GKAP1: variants seen among roughly 807,000 people sequenced by gnomAD.
GKAP1 encodes G kinase-anchoring protein 1.
In GKAP1, 31 loss-of-function variants were observed where a neutral mutation model predicts 56.7. The ratio of observed to expected loss-of-function variants is 0.55; its 90% confidence interval spans 0.41 to 0.74. The LOEUF is 0.74. Among genes scored for constraint, GKAP1 ranks in the 30% least tolerant of loss-of-function variants. GKAP1 has a pLI of 0.00. For missense variants in GKAP1, 364 were observed against 402.3 expected (o/e 0.90, Z 0.82); for synonymous variants, 151 against 138.6 (o/e 1.09, Z -0.63).
rs1944036947 is a variant in GKAP1, at chr9:83,784,799, C to G, written c.478G>C (p.Val160Leu). 8 of 1,597,790 alleles carry G rather than the reference C, an allele frequency of 5.0e-6. No individual in the cohort carries two copies. The highest frequency in any genetic ancestry group is 6.8e-6 in the Non-Finnish European group (8 of 1,169,150). Reference sequence around the variant, plus strand: ...TTTCTTTTATCTTTTTTATTCATAACTTTGGACTGAGTTGAAGTATTTTCA... The same window carrying G: ...TTTCTTTTATCTTTTTTATTCATAAGTTTGGACTGAGTTGAAGTATTTTCA... Reference protein sequence around the residue: ...DAENTSTQSKVMNKKDKRKNH... With the variant: ...DAENTSTQSKLMNKKDKRKNH... Residue 160 changes from valine to leucine, a missense_variant, in exon 6 of 13, where the codon GTT becomes CTT. Val to Leu is a conservative substitution (Grantham distance 32, BLOSUM62 1). Coordinates refer to ENST00000376371, the MANE Select transcript of GKAP1 (RefSeq NM_025211.4).
chr9:83,802,209 A>C (rs1239360598), intron 3 of GKAP1, among the ~76,000 whole-genome samples: 2 of 152,172 alleles, frequency 1.3e-5, no homozygotes, highest in Non-Finnish European at 2.9e-5. Flanking sequence ...GGCCAGGCGC[A>C]GTGGCTCACA....
intron 3 of GKAP1, among the ~76,000 whole-genome samples, chr9:83,804,238 G>A (rs1490157060): frequency 4.9e-4 from 71 of 143,606 alleles, no homozygotes; most frequent in Middle Eastern, 4.2e-3. Flanking sequence ...CACCCCGTCC[G>A]GGAGGGAGGT....
intron 6 of GKAP1, among the ~76,000 whole-genome samples, chr9:83,781,475 A>C (rs907347803): frequency 1.3e-5 from 2 of 152,230 alleles, no homozygotes; most frequent in African/African-American, 4.8e-5. Context: ...TCAAGGACTA[A>C]AAATATAACT....
chr9:83,815,152 C>T (rs1052484923), intron 2 of GKAP1, among the ~76,000 whole-genome samples: 1 of 152,080 alleles, frequency 6.6e-6, no homozygotes, highest in Non-Finnish European at 1.5e-5. Flanking sequence ...AGCCTGGCAA[C>T]AGAGCGAGAG....
intron 7 of GKAP1, 78 bp from the exon 8 acceptor site, chr9:83,769,048 A>C: frequency 9.1e-7 from 1 of 1,102,572 alleles, no homozygotes; most frequent in Non-Finnish European, 1.3e-6. Context: ...AACCACAAGA[A>C]GGGATATGCA....
intron 4 of GKAP1, 129 bp from the exon 5 acceptor site, chr9:83,788,807 G>A (rs1308183160): frequency 7.8e-6 from 4 of 512,958 alleles, no homozygotes; most frequent in Non-Finnish European, 6.8e-6. Context: ...ATTCTCCAAA[G>A]TTATCTAACC....
intron 9 of GKAP1, 99 bp downstream of exon 9, chr9:83,753,159 C>A: frequency 3.0e-6 from 2 of 668,130 alleles, no homozygotes; most frequent in Non-Finnish European, 5.2e-6. Flanking sequence ...AATGACTATT[C>A]CCATGAATTG....
intron 7 of GKAP1, among the ~76,000 whole-genome samples, chr9:83,769,797 C>T (rs901900926): frequency 2.0e-5 from 3 of 152,142 alleles, no homozygotes; most frequent in Non-Finnish European, 2.9e-5. Context: ...AGATAATTTT[C>T]CAAAGCAGCC....
At chr9:83,761,125 C>T (rs1449717916) in intron 8 of GKAP1, among the ~76,000 whole-genome samples, 1 of 144,272 alleles carries the variant, frequency 6.9e-6, no homozygotes, top group Admixed American at 6.8e-5. Context: ...GAAAAAAAAC[C>T]TAAAAATTAA....
intron 7 of GKAP1, among the ~76,000 whole-genome samples, chr9:83,769,718 A>G (rs1943724802): frequency 6.6e-6 from 1 of 152,180 alleles, no homozygotes; most frequent in Admixed American, 6.5e-5. Flanking sequence ...CGTATTTTCA[A>G]TTCTCTTGGG....
rs976500085 is a variant in GKAP1 at position 83,782,492 on chromosome 9, G to C, written c.563-2088C>G. Among the ~76,000 whole-genome samples, 3 of 151,506 alleles carry C rather than the reference G, an allele frequency of 2.0e-5. No homozygotes were observed. In the East Asian group the frequency reaches 5.8e-4, roughly 30 times the overall value. On this transcript the variant is annotated intron_variant, in intron 6 of 12. Coordinates refer to ENST00000376371, the MANE Select transcript of GKAP1 (RefSeq NM_025211.4). ...TCCTGCCTCAGCCTCCTGAGTAGCT[G>C]GGATTACAGGAATGCACCACTACGC...
Position 83,784,763 on chromosome 9 carries a change from C to T in GKAP1, c.514G>A (p.Gly172Arg). 1 of 1,604,372 alleles carries T rather than the reference C, an allele frequency of 6.2e-7. No homozygotes were observed. The highest frequency in any genetic ancestry group is 1.3e-5 in the African/African-American group (1 of 74,644). ...NKKDKRKNHQ[G>R]KDRPLTVSLK... is the part of the protein sequence containing the mutation. Reference sequence around the variant, plus strand: ...GATACTGTGAGAGGTCTGTCTTTTCCCTGATGATTCTTTCTTTTATCTTTT... The same window carrying T: ...GATACTGTGAGAGGTCTGTCTTTTCTCTGATGATTCTTTCTTTTATCTTTT... Residue 172 changes from glycine (G) to arginine (R), a missense_variant, in exon 6 of 13, where the codon GGA becomes AGA. By Grantham distance (125) the Gly-to-Arg change is moderately radical (BLOSUM62 -2). Coordinates refer to ENST00000376371, the MANE Select transcript of GKAP1 (RefSeq NM_025211.4).
At chr9:83,759,501 T>A (rs564904618) in intron 8 of GKAP1, among the ~76,000 whole-genome samples, 1 of 152,216 alleles carries the variant, frequency 6.6e-6, no homozygotes, top group Non-Finnish European at 1.5e-5. Context: ...TGGTGACTTA[T>A]GTTTTTCATT....
rs1244280844 is a variant in GKAP1 at position 83,817,117 on chromosome 9, G to A, written c.-165C>T. The A allele has an allele frequency of 1.3e-5, 2 of 152,136 alleles. No individual in the cohort carries two copies. Among genetic ancestry groups the A allele is most frequent in the African/African-American group, 2.4e-5 (1 of 41,436 alleles). The allele number at this position is 152,136 out of a possible 1,614,324, so 9.4% of individuals were successfully genotyped here. On this transcript the variant is annotated 5_prime_UTR_variant, in exon 2 of 13. Transcript: ENST00000376371. ...CGAAACCTAACTCGGGCAGAGAAGC[G>A]GCTTCAAAACCTGAAAGGGAGAAAA...
chr9:83,772,908 A>T (rs932818847), intron 7 of GKAP1, among the ~76,000 whole-genome samples: 9 of 152,220 alleles, frequency 5.9e-5, no homozygotes, highest in Non-Finnish European at 1.2e-4. Flanking sequence ...GAATGGCTAT[A>T]ATCAAAACAA....
At chr9:83,775,624 C>A (rs1943845264) in intron 7 of GKAP1, among the ~76,000 whole-genome samples, 1 of 151,616 alleles carries the variant, frequency 6.6e-6, no homozygotes, top group Admixed American at 6.6e-5. Context: ...TCCTGAAATC[C>A]CAACACTATG....
At chr9:83,744,823 C>T (rs1448601466) in intron 10 of GKAP1, among the ~76,000 whole-genome samples, 1 of 152,142 alleles carries the variant, frequency 6.6e-6, no homozygotes, top group South Asian at 2.1e-4. Context: ...AGGAAACTTA[C>T]AATCATAGTA....
intron 3 of GKAP1, among the ~76,000 whole-genome samples, chr9:83,801,917 T>C (rs893709691): frequency 6.6e-6 from 1 of 152,150 alleles, no homozygotes; most frequent in Non-Finnish European, 1.5e-5. Context: ...CAGAAAGCAA[T>C]GGAGATGGAA....
intron 3 of GKAP1, among the ~76,000 whole-genome samples, chr9:83,804,303 G>T (rs1181998479): frequency 7.5e-5 from 11 of 146,898 alleles, no homozygotes; most frequent in African/African-American, 2.5e-4. Flanking sequence ...GAGGTGGGGG[G>T]GTCAGCACCC....
Sources: gnomAD v4.1 joint callset for allele counts (sites outside exome capture counted in the v4.1 genomes callset) on GRCh38, gnomAD v4.1.1 for gene constraint, MANE v1.5 for transcripts, NCBI Gene and HGNC (gene_info 2026-07-23, HGNC 2026-07-21) for gene names.